The following DACH2 variants were observed in gnomAD, a reference collection of about 807,000 sequenced individuals.
DACH2 encodes dachshund family transcription factor 2.
Under a neutral mutation model 35.8 loss-of-function variants are expected in DACH2, and 17 were observed. The ratio of observed to expected loss-of-function variants is 0.48; its 90% CI spans 0.33 to 0.71. The LOEUF is 0.71. DACH2 is among the 30% of genes least tolerant of loss of function. DACH2 has a pLI of 0.02. For missense variants in DACH2, 469 were observed against 472.7 expected (o/e 0.99, Z 0.07); for synonymous variants, 195 against 177.3 (o/e 1.10, Z -0.79).
intron 1 of DACH2, among the ~76,000 whole-genome samples, chrX:86,316,070 T>G (rs868084793): frequency 1.8e-5 from 2 of 110,909 alleles, no homozygotes; most frequent in Non-Finnish European, 3.8e-5. Flanking sequence ...TCTCACCCTG[T>G]TCCTTGATCA....
intron 2 of DACH2, among the ~76,000 whole-genome samples, chrX:86,443,493 A>G (rs1165278720): frequency 1.0e-5 from 1 of 98,366 alleles, no homozygotes; most frequent in Non-Finnish European, 1.9e-5. Context: ...CTACTTTTCC[A>G]ATTTGAATGA....
chrX:86,630,804 C>A lies in DACH2; in HGVS notation c.641-20232C>A, dbSNP rs1207855800. On this transcript the variant is annotated intron_variant, in intron 3 of 11. Coordinates refer to ENST00000373125, the MANE Select transcript of DACH2 (RefSeq NM_053281.3). ...CTCCTGGGTTTAAGCGATTCTCCTG[C>A]CTCAGCCTCCAGAGTAGCTTGGATT... 2.7e-5 allele frequency among the ~76,000 whole-genome samples: 3 copies of A among 110,390 alleles called. No homozygotes were observed. The East Asian group carries it at 8.6e-4, about 32-fold the overall frequency.
intron 2 of DACH2, among the ~76,000 whole-genome samples, chrX:86,477,601 G>A (rs2037867966): frequency 9.2e-6 from 1 of 109,133 alleles, no homozygotes; most frequent in Non-Finnish European, 1.9e-5. Context: ...ATTGGGTTCA[G>A]TTTTAAAAAA....
chrX:86,261,264 C>T (rs1207259202), intron 1 of DACH2, among the ~76,000 whole-genome samples: 1 of 112,084 alleles, frequency 8.9e-6, no homozygotes, highest in Non-Finnish European at 1.9e-5. Flanking sequence ...AAGATTAAAA[C>T]ACGTTTGCAG....
chrX:86,204,290 C>G (rs1180487801), intron 1 of DACH2, among the ~76,000 whole-genome samples: 1 of 111,851 alleles, frequency 8.9e-6, no homozygotes, highest in Non-Finnish European at 1.9e-5. Flanking sequence ...AATCAAATTT[C>G]CGGTGGAAAG....
chrX:86,278,266 C>G (rs1321614274), intron 1 of DACH2, among the ~76,000 whole-genome samples: 1 of 111,987 alleles, frequency 8.9e-6, no homozygotes, highest in Non-Finnish European at 1.9e-5. Context: ...TGACAACTCC[C>G]GAGTACACAT....
At chrX:86,182,658 G>A (rs998005756) in intron 1 of DACH2, among the ~76,000 whole-genome samples, 2 of 111,366 alleles carry the variant, frequency 1.8e-5, no homozygotes, top group Admixed American at 1.9e-4. Context: ...TTGGCTATAC[G>A]GGCTCATTTT....
chrX:86,251,285 G>T (rs1342079154), intron 1 of DACH2, among the ~76,000 whole-genome samples: 1 of 111,662 alleles, frequency 9.0e-6, no homozygotes, highest in East Asian at 2.8e-4. Context: ...TTCATTAAAT[G>T]AAGAAATACT....
intron 3 of DACH2, among the ~76,000 whole-genome samples, chrX:86,639,096 G>A (rs2148396310): frequency 8.9e-6 from 1 of 112,020 alleles, no homozygotes; most frequent in African/African-American, 3.2e-5. Flanking sequence ...AGTGTGTGTG[G>A]TTCTCACAGA....
intron 1 of DACH2, among the ~76,000 whole-genome samples, chrX:86,229,983 G>A (rs1602305934): frequency 9.0e-6 from 1 of 110,668 alleles, no homozygotes; most frequent in African/African-American, 3.3e-5. Flanking sequence ...TGATTTCTCT[G>A]GGTAAGACTT....
At chrX:86,317,276 G>A (rs1342492135) in intron 1 of DACH2, among the ~76,000 whole-genome samples, 1 of 111,504 alleles carries the variant, frequency 9.0e-6, no homozygotes, top group Non-Finnish European at 1.9e-5. Flanking sequence ...TATGGGGCTT[G>A]GCTTTGTTCA....
intron 2 of DACH2, among the ~76,000 whole-genome samples, chrX:86,435,750 T>C (rs2037057544): frequency 8.9e-6 from 1 of 111,981 alleles, no homozygotes; most frequent in African/African-American, 3.2e-5. Flanking sequence ...TTAATTTGTA[T>C]ATTTTACTCA....
intron 3 of DACH2, among the ~76,000 whole-genome samples, chrX:86,536,420 G>C (rs987004722): frequency 1.8e-5 from 2 of 111,593 alleles, no homozygotes; most frequent in Admixed American, 1.9e-4. Flanking sequence ...TCTCTTATGG[G>C]GGAAATTTGC....
At chrX:86,760,830 G>T (rs2041873253) in intron 7 of DACH2, among the ~76,000 whole-genome samples, 1 of 107,461 alleles carries the variant, frequency 9.3e-6, no homozygotes, top group African/African-American at 3.4e-5. Context: ...CTGCACATTT[G>T]GTGTGAAAGT....
intron 3 of DACH2, among the ~76,000 whole-genome samples, chrX:86,591,311 G>A (rs7886335): frequency 0.065 from 7,249 of 111,262 alleles, 605 homozygotes; most frequent in African/African-American, 0.22. Context: ...ATAGCAGCAC[G>A]ATTTATAATC....
chrX:86,208,548 C>T (rs2032371114), intron 1 of DACH2, among the ~76,000 whole-genome samples: 1 of 111,363 alleles, frequency 9.0e-6, no homozygotes, highest in Non-Finnish European at 1.9e-5. Context: ...AAAATATTAG[C>T]ACTATTACTC....
At chrX:86,737,059 A>T (rs761651397) in intron 6 of DACH2, among the ~76,000 whole-genome samples, 1 of 111,602 alleles carries the variant, frequency 9.0e-6, no homozygotes, top group South Asian at 3.7e-4. Flanking sequence ...TATTTCAATA[A>T]TATATTTGAA....
At chrX:86,759,599 T>G (rs780749504) in intron 7 of DACH2, among the ~76,000 whole-genome samples, 1 of 110,100 alleles carries the variant, frequency 9.1e-6, no homozygotes, top group East Asian at 2.8e-4. Flanking sequence ...CTAGTCTATA[T>G]CTTTTAAGTG....
At chrX:86,753,162 T>C (rs779814214) in intron 7 of DACH2, among the ~76,000 whole-genome samples, 3 of 110,964 alleles carry the variant, frequency 2.7e-5, no homozygotes, top group Admixed American at 9.6e-5. Flanking sequence ...CTCCGGTTAC[T>C]TCCAGTCTGT....
Sources: allele counts gnomAD v4.1 joint callset (sites outside exome capture counted in the v4.1 genomes callset), GRCh38; gene constraint gnomAD v4.1.1; transcripts MANE v1.5; gene names NCBI Gene and HGNC (gene_info 2026-07-23, HGNC 2026-07-21).